The following PDE1A variants were observed in gnomAD, a reference collection of about 807,000 sequenced individuals.
The protein encoded by PDE1A is phosphodiesterase 1A, also known as dual specificity calcium/calmodulin-dependent 3',5'-cyclic nucleotide phosphodiesterase 1A.
In PDE1A, 35 loss-of-function variants were observed where a neutral mutation model predicts 61.7. That is an observed-to-expected ratio of 0.57 (90% CI 0.43 to 0.75). The LOEUF is 0.75. PDE1A is among the 30% of genes least tolerant of loss of function. PDE1A has a pLI of 0.00. For synonymous variants in PDE1A, 232 were observed against 213.2 expected (o/e 1.09, Z -0.77); for missense variants, 597 against 630.6 (o/e 0.95, Z 0.57).
intron 2 of PDE1A, among the ~76,000 whole-genome samples, chr2:182,461,557 C>T (rs1686288108): frequency 6.6e-6 from 1 of 152,116 alleles, no homozygotes; most frequent in Non-Finnish European, 1.5e-5. Flanking sequence ...AACCAATAAT[C>T]CCTCACCAGC....
At chr2:182,466,224 A>C (rs1035546897) in intron 2 of PDE1A, among the ~76,000 whole-genome samples, 4 of 151,946 alleles carry the variant, frequency 2.6e-5, no homozygotes, top group Non-Finnish European at 5.9e-5. Context: ...CTTCTATCCT[A>C]CTATTTAAAG....
At chr2:182,332,271 T>C (rs959278722) in intron 1 of PDE1A, among the ~76,000 whole-genome samples, 1 of 152,196 alleles carries the variant, frequency 6.6e-6, no homozygotes, top group Non-Finnish European at 1.5e-5. Context: ...TCAAGGTTCT[T>C]AGCTTTCTTG....
intron 7 of PDE1A, among the ~76,000 whole-genome samples, chr2:182,212,785 G>A (rs1243116495): frequency 6.6e-6 from 1 of 152,222 alleles, no homozygotes; most frequent in Non-Finnish European, 1.5e-5. Context: ...GAGTCTCGCT[G>A]ATTGCTAGCA....
chr2:182,624,943 T>C, the PDE1A span, among the ~76,000 whole-genome samples: 1 of 152,122 alleles, frequency 6.6e-6, no homozygotes, highest in African/African-American at 2.4e-5. Context: ...AACCCCCTGC[T>C]TGTGCCCCCA....
chr2:182,668,942 C>T, the PDE1A span, among the ~76,000 whole-genome samples: 7 of 152,218 alleles, frequency 4.6e-5, no homozygotes, highest in Non-Finnish European at 7.3e-5. Context: ...GCTTAACAAA[C>T]AGGTTACATA....
intron 2 of PDE1A, among the ~76,000 whole-genome samples, chr2:182,433,207 C>A (rs758882754): frequency 6.6e-6 from 1 of 152,046 alleles, no homozygotes; most frequent in Non-Finnish European, 1.5e-5. Context: ...ATTGGCCACA[C>A]CATACCACCA....
At chr2:182,679,031 G>A in the PDE1A span, among the ~76,000 whole-genome samples, 3 of 133,180 alleles carry the variant, frequency 2.3e-5, no homozygotes, top group Admixed American at 8.0e-5. Context: ...TTGAGTCAGA[G>A]TCTCACTCTG....
chr2:182,701,288 G>A, the PDE1A span, among the ~76,000 whole-genome samples: 95 of 152,152 alleles, frequency 6.2e-4, no homozygotes, highest in African/African-American at 2.3e-3. Context: ...GCCCGCCTTG[G>A]CCTCCCAAAG....
At chr2:182,218,309 A>T (rs1300135385) in intron 7 of PDE1A, among the ~76,000 whole-genome samples, 2 of 149,176 alleles carry the variant, frequency 1.3e-5, no homozygotes, top group Non-Finnish European at 3.0e-5. Flanking sequence ...TGGGAGATAT[A>T]CCTAATGCTA....
chr2:182,450,362 A>G (rs1376329500), intron 2 of PDE1A, among the ~76,000 whole-genome samples: 3 of 152,134 alleles, frequency 2.0e-5, no homozygotes, highest in Admixed American at 6.6e-5. Context: ...AAAGTTTCCA[A>G]CTGAAAAAAT....
At chr2:182,665,386 AC>A in the PDE1A span, among the ~76,000 whole-genome samples, 1 of 152,126 alleles carries the variant, frequency 6.6e-6, no homozygotes, top group African/African-American at 2.4e-5. Flanking sequence ...AAAAGAAATA[AC>A]CCCATCAAAA....
At chr2:182,468,933 G>T (rs539104349) in intron 2 of PDE1A, among the ~76,000 whole-genome samples, 9 of 151,930 alleles carry the variant, frequency 5.9e-5, no homozygotes, top group African/African-American at 2.2e-4. Flanking sequence ...TGAGCAGTAG[G>T]TCTTAACAGT....
At chr2:182,310,040 A>C (rs1695862939) in intron 1 of PDE1A, among the ~76,000 whole-genome samples, 1 of 152,210 alleles carries the variant, frequency 6.6e-6, no homozygotes, top group Non-Finnish European at 1.5e-5. Flanking sequence ...GAGGCAAGAC[A>C]CAAGGAACAT....
intron 1 of PDE1A, among the ~76,000 whole-genome samples, chr2:182,411,346 G>T (rs1460456613): frequency 6.6e-6 from 1 of 152,030 alleles, no homozygotes; most frequent in Non-Finnish European, 1.5e-5. Flanking sequence ...TGTATTTTTG[G>T]TTCCTCTTTT....
intron 1 of PDE1A, among the ~76,000 whole-genome samples, chr2:182,323,465 A>G (rs1696831946): frequency 6.6e-6 from 1 of 152,210 alleles, no homozygotes; most frequent in Non-Finnish European, 1.5e-5. Context: ...AGAGACTATT[A>G]GGAAGTTGAA....
the PDE1A span, among the ~76,000 whole-genome samples, chr2:182,531,845 C>T: frequency 2.0e-5 from 3 of 152,108 alleles, no homozygotes; most frequent in Non-Finnish European, 2.9e-5. Context: ...TACTATCCCT[C>T]CCCCAGGCTC....
At chr2:182,494,287 T>C (rs1344831418) in intron 2 of PDE1A, among the ~76,000 whole-genome samples, 1 of 141,392 alleles carries the variant, frequency 7.1e-6, no homozygotes, top group Non-Finnish European at 1.5e-5. Context: ...TACAAGATCA[T>C]TTGGATTCTA....
chr2:182,497,263 G>A (rs1306147958), intron 2 of PDE1A, among the ~76,000 whole-genome samples: 6 of 152,128 alleles, frequency 3.9e-5, no homozygotes, highest in Admixed American at 6.5e-5. Context: ...ATTCGTTTTC[G>A]GGAGTGTGGA....
At chr2:182,548,772 C>A in the PDE1A span, among the ~76,000 whole-genome samples, 1 of 152,148 alleles carries the variant, frequency 6.6e-6, no homozygotes, top group East Asian at 1.9e-4. Flanking sequence ...AGATTCCACT[C>A]ATGGTTCTGC....
Sources: gnomAD v4.1 joint callset for allele counts (sites outside exome capture counted in the v4.1 genomes callset) on GRCh38, gnomAD v4.1.1 for gene constraint, MANE v1.5 for transcripts, NCBI Gene and HGNC (gene_info 2026-07-23, HGNC 2026-07-21) for gene names.